SV2C: variants seen among roughly 807,000 people sequenced by gnomAD.
SV2C encodes the protein synaptic vesicle glycoprotein 2C, also known as solute carrier family 22 member B3.
Under a neutral mutation model 79.7 loss-of-function variants are expected in SV2C, and 49 were observed. That is an observed-to-expected ratio of 0.61 (90% confidence interval 0.49 to 0.78). The LOEUF (loss-of-function observed/expected upper bound fraction) is 0.78. Ranked by LOEUF, SV2C falls within the 30% of genes least tolerant of loss-of-function variation. SV2C has a pLI of 0.00. For missense variants in SV2C, 833 were observed against 912.9 expected (o/e 0.91, Z 1.13); for synonymous variants, 334 against 333.2 (o/e 1.00, Z -0.03).
chr5:75,989,906 TC>T, the SV2C span, among the ~76,000 whole-genome samples: 2 of 151,912 alleles, frequency 1.3e-5, no homozygotes, highest in Non-Finnish European at 2.9e-5. Flanking sequence ...TTTTTTTTTT[TC>T]ATATGATTAT....
At chr5:75,876,737 A>C in the SV2C span, among the ~76,000 whole-genome samples, 4 of 152,128 alleles carry the variant, frequency 2.6e-5, no homozygotes, top group African/African-American at 9.6e-5. Flanking sequence ...CACTGAAATT[A>C]AGCCAGTAAA....
At chr5:76,267,634 T>A (rs1399875637) in intron 4 of SV2C, among the ~76,000 whole-genome samples, 1 of 151,674 alleles carries the variant, frequency 6.6e-6, no homozygotes, top group Non-Finnish European at 1.5e-5. Context: ...GCTGGGAGAG[T>A]GGTTGTCTAC....
chr5:76,096,113 A>G (rs1747549502), intron 1 of SV2C, among the ~76,000 whole-genome samples: 1 of 152,104 alleles, frequency 6.6e-6, no homozygotes, highest in African/African-American at 2.4e-5. Context: ...TGAAATACAC[A>G]TTGGTATGAT....
intron 2 of SV2C, among the ~76,000 whole-genome samples, chr5:76,165,473 TC>T (rs1743018468): frequency 6.6e-6 from 1 of 152,126 alleles, no homozygotes; most frequent in South Asian, 2.1e-4. Context: ...ACAAAGAAAC[TC>T]CTTCATGTTA....
At chr5:75,949,601 T>C in the SV2C span, among the ~76,000 whole-genome samples, 86 of 152,114 alleles carry the variant, frequency 5.7e-4, no homozygotes, top group African/African-American at 1.8e-3. Context: ...CCCATGGTGG[T>C]GAATATGTCT....
intron 3 of SV2C, among the ~76,000 whole-genome samples, chr5:76,195,795 T>G (rs1049956973): frequency 6.6e-6 from 1 of 152,162 alleles, no homozygotes; most frequent in Admixed American, 6.5e-5. Context: ...TATAAAATTT[T>G]TATAACGAAT....
At chr5:75,991,296 ATTGAG>A in the SV2C span, among the ~76,000 whole-genome samples, 1 of 151,626 alleles carries the variant, frequency 6.6e-6, no homozygotes, top group Non-Finnish European at 1.5e-5. Context: ...CCAATTTCCT[ATTGAG>A]TTATTATCCC....
the SV2C span, among the ~76,000 whole-genome samples, chr5:75,871,331 A>G: frequency 1.3e-5 from 2 of 152,230 alleles, no homozygotes; most frequent in African/African-American, 4.8e-5. Context: ...CAAGACGTAT[A>G]ACCACTGATG....
the SV2C span, among the ~76,000 whole-genome samples, chr5:75,872,533 C>G: frequency 4.5e-4 from 69 of 152,050 alleles, 1 homozygote; most frequent in African/African-American, 1.6e-3. Flanking sequence ...GAGAGATTAA[C>G]AGAGGGGAAT....
the SV2C span, among the ~76,000 whole-genome samples, chr5:76,006,116 AGTGT>A: frequency 3.5e-4 from 54 of 152,160 alleles, no homozygotes; most frequent in Non-Finnish European, 6.2e-4. Context: ...ATAATGATTG[AGTGT>A]TTGACTTCTC....
rs1212335792 is a variant in SV2C, at chr5:76,332,212, G to A, written c.*6665G>A. The A allele has an allele frequency of 6.6e-6, 1 of 152,210 alleles. No individual in the cohort carries two copies. Among genetic ancestry groups the A allele is most frequent in the Non-Finnish European group, 1.5e-5 (1 of 68,050 alleles). The allele number at this position is 152,210 out of a possible 1,614,324, so 9.4% of individuals were successfully genotyped here. On this transcript the variant is annotated 3_prime_UTR_variant, in exon 13 of 13. Transcript: ENST00000502798. ...CCAAGAGTGCCCAGGACTAGGAGCA[G>A]AAAGCAGTTTTCAACCCTTTGTTCA...
intron 2 of SV2C, among the ~76,000 whole-genome samples, chr5:76,146,383 G>C (rs182914873): frequency 1.2e-4 from 18 of 152,300 alleles, no homozygotes; most frequent in Admixed American, 5.9e-4. Context: ...ATTTCTTGGT[G>C]ATATGCTAAA....
intron 1 of SV2C, among the ~76,000 whole-genome samples, chr5:76,095,470 T>C (rs1747525499): frequency 6.6e-6 from 1 of 152,134 alleles, no homozygotes; most frequent in African/African-American, 2.4e-5. Context: ...TATTGCATAG[T>C]TATTTATCAT....
chr5:76,032,146 A>G, the SV2C span, among the ~76,000 whole-genome samples: 2 of 152,178 alleles, frequency 1.3e-5, no homozygotes, highest in African/African-American at 4.8e-5. Context: ...CAAAGAACAG[A>G]GTTACTTTAT....
intron 2 of SV2C, among the ~76,000 whole-genome samples, chr5:76,171,678 G>A (rs1355211790): frequency 7.4e-5 from 10 of 134,936 alleles, no homozygotes; most frequent in African/African-American, 1.6e-4. Flanking sequence ...CAGCCCCCCC[G>A]CCCGGCCAGC....
intron 1 of SV2C, among the ~76,000 whole-genome samples, chr5:76,108,042 G>A (rs1747979567): frequency 6.6e-6 from 1 of 152,130 alleles, no homozygotes; most frequent in South Asian, 2.1e-4. Flanking sequence ...TGTCCATACA[G>A]CACAGTAGGC....
intron 2 of SV2C, among the ~76,000 whole-genome samples, chr5:76,134,558 A>G (rs1192948207): frequency 6.6e-6 from 1 of 152,200 alleles, no homozygotes; most frequent in Non-Finnish European, 1.5e-5. Context: ...GCTACTAAGC[A>G]TTGTGTCATT....
chr5:76,335,983 T>G (rs1386598646), downstream of SV2C, among the ~76,000 whole-genome samples: 1 of 151,982 alleles, frequency 6.6e-6, no homozygotes, highest in African/African-American at 2.4e-5. Context: ...GCTCCTCACT[T>G]CCCAGTAGGG....
At chr5:75,873,003 C>A in the SV2C span, among the ~76,000 whole-genome samples, 2 of 151,908 alleles carry the variant, frequency 1.3e-5, no homozygotes, top group Admixed American at 1.3e-4. Flanking sequence ...CTCTAGGTAA[C>A]GCCTTTTAAA....
Sources: allele counts gnomAD v4.1 joint callset (sites outside exome capture counted in the v4.1 genomes callset), GRCh38; gene constraint gnomAD v4.1.1; transcripts MANE v1.5; gene names NCBI Gene and HGNC (gene_info 2026-07-23, HGNC 2026-07-21).